The following AFG1L variants were observed in gnomAD, a reference collection of about 807,000 sequenced individuals.
AFG1L encodes the protein AFG1 like ATPase, also known as AFG1-like ATPase.
AFG1L carries 53 observed loss-of-function variants against 62.2 expected under a neutral mutation model. That is an observed-to-expected ratio of 0.85 (90% CI 0.68 to 1.07). The LOEUF (loss-of-function observed/expected upper bound fraction) is 1.07. Ranked by LOEUF, AFG1L falls within the 50% of genes least tolerant of loss-of-function variation. The probability of loss-of-function intolerance (pLI) is 0.00; values close to 1 mark genes in which losing one functional copy is unlikely to be tolerated. For synonymous variants in AFG1L, 228 were observed against 210.3 expected, an observed-to-expected ratio of 1.08 and a Z score of -0.73; for missense variants, 555 against 590.5, an observed-to-expected ratio of 0.94 and a Z score of 0.62.
intron 7 of AFG1L, among the ~76,000 whole-genome samples, chr6:108,403,616 A>G (rs1390044251): frequency 6.6e-6 from 1 of 152,142 alleles, no homozygotes; most frequent in Non-Finnish European, 1.5e-5. Flanking sequence ...TCTCCATGCT[A>G]GGAATCCAAA....
intron 10 of AFG1L, among the ~76,000 whole-genome samples, chr6:108,478,982 A>T (rs1365124115): frequency 1.3e-5 from 2 of 152,202 alleles, no homozygotes; most frequent in African/African-American, 2.4e-5. Context: ...GTCTTATTTG[A>T]CAAAAAATAT....
At chr6:108,341,619 G>T (rs539197514) in intron 2 of AFG1L, among the ~76,000 whole-genome samples, 1 of 152,124 alleles carries the variant, frequency 6.6e-6, no homozygotes, top group East Asian at 1.9e-4. Context: ...TTTGTACCTA[G>T]ATCTTTTGGG....
At chr6:108,371,274 T>C (rs186279627) in intron 6 of AFG1L, among the ~76,000 whole-genome samples, 32 of 152,308 alleles carry the variant, frequency 2.1e-4, no homozygotes, top group African/African-American at 6.5e-4. Context: ...ACTAGAAATG[T>C]TGTTTAAAAT....
intron 3 of AFG1L, among the ~76,000 whole-genome samples, chr6:108,350,423 A>G (rs1304192995): frequency 1.3e-5 from 2 of 151,902 alleles, no homozygotes; most frequent in East Asian, 1.9e-4. Flanking sequence ...CTTGCACTCT[A>G]TTTGGGCTTT....
chr6:108,400,733 TA>T (rs1781545895), intron 6 of AFG1L, among the ~76,000 whole-genome samples: 1 of 125,480 alleles, frequency 8.0e-6, no homozygotes, highest in South Asian at 2.2e-4. Flanking sequence ...TTATATATAA[TA>T]TATATTATAT....
At chr6:108,499,006 G>T (rs1032133611) in intron 10 of AFG1L, among the ~76,000 whole-genome samples, 31 of 151,220 alleles carry the variant, frequency 2.0e-4, no homozygotes, top group African/African-American at 7.3e-4. Context: ...TATTGAATTT[G>T]AATAAAACTA....
chr6:108,499,471 C>T (rs1428722839), intron 10 of AFG1L, among the ~76,000 whole-genome samples: 1 of 150,068 alleles, frequency 6.7e-6, no homozygotes, highest in Non-Finnish European at 1.5e-5. Context: ...GGCATGGTTG[C>T]TTATGCCTGT....
chr6:108,347,016 GC>G lies in AFG1L; in HGVS notation c.394del (p.Leu132CysfsTer14), dbSNP rs780044392. On this transcript the variant is annotated frameshift_variant, in exon 3 of 13. Coordinates refer to ENST00000368977, the MANE Select transcript of AFG1L (RefSeq NM_145315.5). LOFTEE classifies it high-confidence loss of function. ...TTTTCAAGGAGCAAACCTCCAAGGG[GC>G]CTGTATGTTTATGGAGATGTTGGTA... is the stretch of plus-strand genomic sequence containing the variant. ...KLFSRSKPPR[G>X]LYVYGDVGTG... 12 of 1,613,278 alleles carry G rather than the reference GC, an allele frequency of 7.4e-6. No homozygotes were observed. In the South Asian group the frequency reaches 1.3e-4, roughly 18 times the overall value.
chr6:108,329,590 C>T (rs564907998), intron 2 of AFG1L, among the ~76,000 whole-genome samples: 104 of 152,210 alleles, frequency 6.8e-4, no homozygotes, highest in African/African-American at 2.2e-3. Flanking sequence ...TGAGCCACTG[C>T]GCCTGGCCCC....
chr6:108,451,662 A>G (rs535456983), intron 8 of AFG1L, among the ~76,000 whole-genome samples: 52 of 152,256 alleles, frequency 3.4e-4, no homozygotes, highest in African/African-American at 1.1e-3. Context: ...TTTATTCTGT[A>G]CTAAATGCAT....
chr6:108,391,965 C>T (rs1461394867), intron 6 of AFG1L: 1 of 152,090 alleles, frequency 6.6e-6, no homozygotes, highest in Non-Finnish European at 1.5e-5. Flanking sequence ...ATGATGCTAC[C>T]ATGCTGCTTA....
At position 108,402,011 on chromosome 6, in the gene AFG1L, G is replaced by A; in HGVS notation, c.764G>A (p.Gly255Glu). Residue 255 changes from glycine to glutamate, a missense_variant, in exon 7 of 13, where the codon GGA becomes GAA. By Grantham distance (98) the Gly-to-Glu change is moderately conservative. Transcript: ENST00000368977. The stretch of plus-strand genomic sequence containing the variant: ...TTTCTTTCAGATCTCTATAAAAATG[G>A]ACTCCAAAGAGCTAACTTTGTACCA... ...NRPPEDLYKNGLQRANFVPFI... is the reference protein window; with the variant it reads ...NRPPEDLYKNELQRANFVPFI... 1 of 1,497,992 alleles carries A rather than the reference G, an allele frequency of 6.7e-7. No homozygotes were observed. The highest frequency in any genetic ancestry group is 9.0e-7 in the Non-Finnish European group (1 of 1,109,572). The allele number at this position is 1,497,992 out of a possible 1,614,324, so 92.8% of individuals were successfully genotyped here.
At chr6:108,374,837 T>G (rs1780171813) in intron 6 of AFG1L, among the ~76,000 whole-genome samples, 1 of 152,180 alleles carries the variant, frequency 6.6e-6, no homozygotes, top group South Asian at 2.1e-4. Context: ...TCCATATGAA[T>G]TTTAGAATAG....
chr6:108,358,347 T>C (rs186966536), intron 5 of AFG1L, among the ~76,000 whole-genome samples: 10 of 152,342 alleles, frequency 6.6e-5, no homozygotes, highest in Admixed American at 5.9e-4. Context: ...TGTAAAATGA[T>C]CCGTAGTTTA....
rs749658278 is a variant in AFG1L, at chr6:108,347,038, T to A, written c.414T>A (p.Val138=). 4 of 1,613,204 alleles carry A rather than the reference T, an allele frequency of 2.5e-6. No homozygotes were observed. The highest frequency in any genetic ancestry group is 2.5e-6 in the Non-Finnish European group (3 of 1,179,510). The change falls in exon 3 of 13, where the codon GTT becomes GTA. Residue 138 remains valine, a splice_region_variant and synonymous_variant. Coordinates refer to ENST00000368977, the MANE Select transcript of AFG1L (RefSeq NM_145315.5). Reference sequence around the variant, plus strand: ...GGGGCCTGTATGTTTATGGAGATGTTGGTAAGTGTGTTAAAATAAGTTTTG... The same window carrying A: ...GGGGCCTGTATGTTTATGGAGATGTAGGTAAGTGTGTTAAAATAAGTTTTG... ...PPRGLYVYGD[V]GTGKTMVMDM...
chr6:108,306,855 T>C (rs1377760917), intron 1 of AFG1L, among the ~76,000 whole-genome samples: 1 of 152,154 alleles, frequency 6.6e-6, no homozygotes, highest in Non-Finnish European at 1.5e-5. Context: ...TAGAGCCTTG[T>C]TTAGGTTACC....
At chr6:108,299,677 C>T (rs1182514403) in intron 1 of AFG1L, among the ~76,000 whole-genome samples, 1 of 152,100 alleles carries the variant, frequency 6.6e-6, no homozygotes, top group East Asian at 1.9e-4. Context: ...GTGGCTTGTG[C>T]CTGAAATCCC....
Position 108,447,202 on chromosome 6 carries a change from TTTGGA to T in AFG1L, c.808-8_808-4del. ...CTTGTTTAAAAAGGCACTTCATTTG[TTTGGA>T]TTGTAGGAATATTGTAATACAGTCC... On this transcript the variant is annotated splice_polypyrimidine_tract_variant and splice_region_variant and intron_variant, in intron 7 of 12. Coordinates refer to ENST00000368977, the MANE Select transcript of AFG1L (RefSeq NM_145315.5). The T allele has an allele frequency of 6.8e-7, 1 of 1,473,208 alleles. No homozygotes were observed. Among genetic ancestry groups the T allele is most frequent in the Middle Eastern group, 1.7e-4 (1 of 5,804 alleles). 91.3% of individuals were successfully genotyped at this position (1,473,208 alleles called of 1,614,324 possible). A position where few individuals can be genotyped will look rare whatever the true frequency, so the allele number is the denominator to read the frequency against.
intron 5 of AFG1L, among the ~76,000 whole-genome samples, chr6:108,361,002 C>A (rs985159085): frequency 6.6e-6 from 1 of 152,236 alleles, no homozygotes; most frequent in Non-Finnish European, 1.5e-5. Flanking sequence ...AGCACCAGAG[C>A]GGCTGGCAAC....
Sources: gnomAD v4.1 joint callset for allele counts (sites outside exome capture counted in the v4.1 genomes callset) on GRCh38, gnomAD v4.1.1 for gene constraint, MANE v1.5 for transcripts, NCBI Gene and HGNC (gene_info 2026-07-23, HGNC 2026-07-21) for gene names.